RBMS3: variants seen among roughly 807,000 people sequenced by gnomAD.
RBMS3 encodes the protein RNA-binding motif, single-stranded-interacting protein 3.
In RBMS3, 27 loss-of-function variants were observed where a neutral mutation model predicts 66.8. That is an observed-to-expected ratio of 0.40 (90% CI 0.30 to 0.56). The LOEUF (loss-of-function observed/expected upper bound fraction) is 0.56. Ranked by LOEUF, RBMS3 falls within the 20% of genes least tolerant of loss-of-function variation. The pLI is 0.40. For synonymous variants in RBMS3, 188 were observed against 183.0 expected, an observed-to-expected ratio of 1.03 and a Z score of -0.22; for missense variants, 513 against 549.5, an observed-to-expected ratio of 0.93 and a Z score of 0.66.
At chr3:29,517,067 A>G (rs1297331158) in intron 3 of RBMS3, among the ~76,000 whole-genome samples, 1 of 151,928 alleles carries the variant, frequency 6.6e-6, no homozygotes, top group East Asian at 1.9e-4. Context: ...CCAAAAAATT[A>G]TCTGGGTATG....
chr3:29,904,077 C>T (rs1003037427), intron 10 of RBMS3, among the ~76,000 whole-genome samples: 1 of 151,890 alleles, frequency 6.6e-6, no homozygotes, highest in Admixed American at 6.6e-5. Flanking sequence ...GGCATTATCA[C>T]CAAATTTGCC....
intron 4 of RBMS3, among the ~76,000 whole-genome samples, chr3:29,599,049 T>C (rs143875338): frequency 1.1e-3 from 167 of 151,962 alleles, no homozygotes; most frequent in Non-Finnish European, 1.8e-3. Flanking sequence ...AATTAATGTC[T>C]TAAAGAACTG....
At chr3:29,310,507 A>AT (rs71295054) in intron 1 of RBMS3, among the ~76,000 whole-genome samples, 48,370 of 148,848 alleles carry the variant, frequency 0.32, 7,869 homozygotes, top group Admixed American at 0.43. Context: ...AATCTTCTGT[A>AT]TTTTTTTTTT....
chr3:29,417,212 C>T (rs535434498), intron 1 of RBMS3, among the ~76,000 whole-genome samples: 7 of 151,394 alleles, frequency 4.6e-5, no homozygotes, highest in Admixed American at 6.6e-5. Context: ...GTTGAAATTT[C>T]GTTTTTATTC....
At chr3:29,459,677 A>T (rs1451116470) in intron 2 of RBMS3, among the ~76,000 whole-genome samples, 2 of 152,230 alleles carry the variant, frequency 1.3e-5, no homozygotes, top group African/African-American at 2.4e-5. Flanking sequence ...CCTAGAGGTG[A>T]GTGGGGGAAC....
At chr3:29,643,404 TC>T (rs1255279379) in intron 4 of RBMS3, among the ~76,000 whole-genome samples, 1 of 152,204 alleles carries the variant, frequency 6.6e-6, no homozygotes. Flanking sequence ...GTTGACTTCT[TC>T]CCCCAGAGTG....
chr3:29,489,727 C>T (rs1448347962), intron 3 of RBMS3, among the ~76,000 whole-genome samples: 1 of 137,842 alleles, frequency 7.3e-6, no homozygotes, highest in African/African-American at 2.8e-5. Context: ...ATTGAGTAGA[C>T]CCACGTAGCT....
intron 5 of RBMS3, among the ~76,000 whole-genome samples, chr3:29,751,977 C>A (rs1308075176): frequency 6.6e-6 from 1 of 152,166 alleles, no homozygotes; most frequent in African/African-American, 2.4e-5. Context: ...GCTTTGTCAT[C>A]CATGGATGGC....
chr3:29,900,268 T>G, intron 10 of RBMS3, among the ~76,000 whole-genome samples: 1 of 151,880 alleles, frequency 6.6e-6, no homozygotes. Context: ...ATGAAGGTAG[T>G]TGTCTGCTAA....
intron 1 of RBMS3, among the ~76,000 whole-genome samples, chr3:29,334,419 C>T (rs1377552155): frequency 6.6e-6 from 1 of 152,044 alleles, no homozygotes; most frequent in Non-Finnish European, 1.5e-5. Context: ...GCTAATTTTT[C>T]CCATCCTAAA....
At chr3:29,845,624 C>T (rs1174350292) in intron 6 of RBMS3, among the ~76,000 whole-genome samples, 2 of 152,064 alleles carry the variant, frequency 1.3e-5, no homozygotes, top group African/African-American at 2.4e-5. Flanking sequence ...TATTAGGTGT[C>T]TACTGTTTTC....
chr3:29,993,713 C>G (rs576526071), intron 14 of RBMS3, among the ~76,000 whole-genome samples: 31 of 152,272 alleles, frequency 2.0e-4, no homozygotes, highest in South Asian at 4.1e-4. Context: ...AATATTGGTT[C>G]TTCTTAGATC....
At chr3:29,797,608 G>A (rs903947042) in intron 6 of RBMS3, 3 of 152,074 alleles carry the variant, frequency 2.0e-5, no homozygotes, top group South Asian at 2.1e-4. Context: ...AGACTATCCC[G>A]ACTTTTGACA....
chr3:29,456,062 A>G (rs1360326824), intron 2 of RBMS3, among the ~76,000 whole-genome samples: 1 of 152,206 alleles, frequency 6.6e-6, no homozygotes, highest in Non-Finnish European at 1.5e-5. Flanking sequence ...ATACAGAATC[A>G]GTGAATAATG....
intron 1 of RBMS3, among the ~76,000 whole-genome samples, chr3:29,374,112 A>G (rs1217600964): frequency 3.9e-5 from 6 of 152,228 alleles, no homozygotes; most frequent in Non-Finnish European, 8.8e-5. Flanking sequence ...CCTGGGGACT[A>G]TAACCATTTG....
intron 3 of RBMS3, among the ~76,000 whole-genome samples, chr3:29,586,125 C>G (rs188297704): frequency 6.6e-6 from 1 of 151,968 alleles, no homozygotes; most frequent in South Asian, 2.1e-4. Flanking sequence ...TGATTCCCTG[C>G]CTGACAGATG....
rs919778149 is a variant in RBMS3 at position 29,929,756 on chromosome 3, G to A, written c.940-6330G>A. On this transcript the variant is annotated intron_variant, in intron 10 of 14. Coordinates refer to ENST00000383767, the MANE Select transcript of RBMS3 (RefSeq NM_001003793.3). ...ATATCTCTTCTACCTTTATCATATA[G>A]CAGTGGAAAATGTCTTACTTCTAAA... is the stretch of plus-strand genomic sequence containing the variant. Among the ~76,000 whole-genome samples, 8 of 152,036 alleles carry A rather than the reference G, an allele frequency of 5.3e-5. No individual in the cohort carries two copies. The East Asian group carries it at 5.8e-4, about 11-fold the overall frequency.
intron 1 of RBMS3, among the ~76,000 whole-genome samples, chr3:29,324,084 A>G (rs1190216513): frequency 6.6e-6 from 1 of 151,842 alleles, no homozygotes; most frequent in African/African-American, 2.4e-5. Context: ...TTAACTCTGG[A>G]CTTTATTAAA....
At chr3:29,663,231 T>C (rs1352686652) in intron 4 of RBMS3, among the ~76,000 whole-genome samples, 2 of 151,146 alleles carry the variant, frequency 1.3e-5, no homozygotes, top group Non-Finnish European at 3.0e-5. Context: ...TTCATGAACA[T>C]TTCCTGAAAG....
Sources: allele counts gnomAD v4.1 joint callset (sites outside exome capture counted in the v4.1 genomes callset), GRCh38; gene constraint gnomAD v4.1.1; transcripts MANE v1.5; gene names NCBI Gene and HGNC (gene_info 2026-07-23, HGNC 2026-07-21).